Variants in IFT56 observed in about 807,000 individuals in gnomAD.
The protein encoded by IFT56 is intraflagellar transport protein 56.
the IFT56 span, among the ~76,000 whole-genome samples, chr7:139,167,800 G>A: frequency 6.6e-6 from 1 of 152,008 alleles, no homozygotes; most frequent in Non-Finnish European, 1.5e-5. Flanking sequence ...AATTAGCCGG[G>A]TGTGGTGGCT....
the IFT56 span, among the ~76,000 whole-genome samples, chr7:139,134,137 C>T: frequency 6.6e-6 from 1 of 152,134 alleles, no homozygotes; most frequent in Non-Finnish European, 1.5e-5. Flanking sequence ...GCATCTCTAG[C>T]CAGAGAAGAT....
At chr7:139,174,775 C>G in the IFT56 span, among the ~76,000 whole-genome samples, 1 of 152,080 alleles carries the variant, frequency 6.6e-6, no homozygotes, top group Non-Finnish European at 1.5e-5. Context: ...AATCCCAGCA[C>G]TTTGGGAGGC....
the IFT56 span, among the ~76,000 whole-genome samples, chr7:139,180,283 G>A: frequency 6.6e-6 from 1 of 152,156 alleles, no homozygotes; most frequent in African/African-American, 2.4e-5. Context: ...CTGCAGTGAG[G>A]GGAGATCACG....
chr7:139,157,367 G>T, the IFT56 span, among the ~76,000 whole-genome samples: 1 of 151,482 alleles, frequency 6.6e-6, no homozygotes, highest in Non-Finnish European at 1.5e-5. Flanking sequence ...GGCTGGTCTT[G>T]AACTCCTGAC....
chr7:139,155,895 C>T, the IFT56 span, among the ~76,000 whole-genome samples: 3 of 151,998 alleles, frequency 2.0e-5, no homozygotes, highest in Non-Finnish European at 2.9e-5. Flanking sequence ...GCCATCTGGG[C>T]CTGGGCTTTT....
the IFT56 span, among the ~76,000 whole-genome samples, chr7:139,180,525 C>A: frequency 1.3e-5 from 2 of 152,198 alleles, no homozygotes; most frequent in African/African-American, 2.4e-5. Flanking sequence ...GCCTGGCCAA[C>A]ATGGCAAAAC....
At chr7:139,151,022 T>C in the IFT56 span, among the ~76,000 whole-genome samples, 1 of 152,274 alleles carries the variant, frequency 6.6e-6, no homozygotes, top group Non-Finnish European at 1.5e-5. Flanking sequence ...TTGACATTTG[T>C]GTCCCAGGAC....
chr7:139,174,897 C>A, the IFT56 span, among the ~76,000 whole-genome samples: 1 of 151,804 alleles, frequency 6.6e-6, no homozygotes. Flanking sequence ...TGGTGGCACC[C>A]GTAATCCCAG....
chr7:139,138,791 T>G, the IFT56 span, among the ~76,000 whole-genome samples: 1 of 151,492 alleles, frequency 6.6e-6, no homozygotes, highest in African/African-American at 2.4e-5. Context: ...CAATAATTAA[T>G]CAATGGGATT....
the IFT56 span, chr7:139,160,878 A>G: frequency 7.1e-6 from 8 of 1,126,892 alleles, no homozygotes; most frequent in African/African-American, 4.7e-5. Context: ...ATTATAAACC[A>G]TTGTGTCAAT....
At chr7:139,173,057 C>T in the IFT56 span, 22 of 733,224 alleles carry the variant, frequency 3.0e-5, no homozygotes, top group East Asian at 5.0e-5. Flanking sequence ...GCTTCCAACT[C>T]AGCTTTGCGC....
At chr7:139,138,598 A>G in the IFT56 span, among the ~76,000 whole-genome samples, 1 of 152,176 alleles carries the variant, frequency 6.6e-6, no homozygotes, top group East Asian at 1.9e-4. Context: ...TATTAAGTCA[A>G]TCTTCAGAAC....
the IFT56 span, among the ~76,000 whole-genome samples, chr7:139,159,415 CTGT>C: frequency 6.6e-6 from 1 of 151,998 alleles, no homozygotes; most frequent in Non-Finnish European, 1.5e-5. Context: ...TATTATATAA[CTGT>C]TTTTTTATTT....
the IFT56 span, among the ~76,000 whole-genome samples, chr7:139,171,461 C>A: frequency 6.6e-6 from 1 of 152,260 alleles, no homozygotes; most frequent in East Asian, 1.9e-4. Context: ...GCTATAGTAA[C>A]CAAAACAGCA....
the IFT56 span, chr7:139,168,336 GT>G: frequency 6.3e-7 from 1 of 1,585,492 alleles, no homozygotes. Flanking sequence ...GTTATTCCAT[GT>G]TTCTAGGAGT....
chr7:139,181,905 T>C, the IFT56 span, among the ~76,000 whole-genome samples: 248 of 152,282 alleles, frequency 1.6e-3, 1 homozygote, highest in African/African-American at 5.7e-3. Flanking sequence ...ATGAAGTACA[T>C]GACTGGATTA....
chr7:139,137,893 T>C, the IFT56 span: 9 of 1,613,482 alleles, frequency 5.6e-6, no homozygotes, highest in South Asian at 6.6e-5. Flanking sequence ...AATTTGTGGA[T>C]TGGATATTGT....
At chr7:139,187,781 C>T in the IFT56 span, among the ~76,000 whole-genome samples, 1 of 151,822 alleles carries the variant, frequency 6.6e-6, no homozygotes, top group African/African-American at 2.4e-5. Flanking sequence ...GTCATATATA[C>T]ATTAAGTACA....
At chr7:139,136,591 C>A in the IFT56 span, among the ~76,000 whole-genome samples, 1 of 152,078 alleles carries the variant, frequency 6.6e-6, no homozygotes, top group African/African-American at 2.4e-5. Flanking sequence ...GCTGAGACTA[C>A]AGGCACGTGC....
Sources: gnomAD v4.1 joint callset for allele counts (sites outside exome capture counted in the v4.1 genomes callset) on GRCh38, gnomAD v4.1.1 for gene constraint, MANE v1.5 for transcripts, NCBI Gene and HGNC (gene_info 2026-07-23, HGNC 2026-07-21) for gene names.